Variants in ROBO1 observed in about 807,000 individuals in gnomAD.
ROBO1 encodes the protein roundabout homolog 1.
A neutral mutation model predicts 195.9 loss-of-function variants in ROBO1; 149 were observed. That is an observed-to-expected ratio of 0.76 (90% confidence interval 0.67 to 0.87). The LOEUF (loss-of-function observed/expected upper bound fraction) is 0.87, where lower values mean the gene tolerates loss of function less well. ROBO1 is among the 40% of genes least tolerant of loss of function. ROBO1 has a pLI of 0.00. For missense variants in ROBO1, 1,933 were observed against 2,068.3 expected, an observed-to-expected ratio of 0.93 and a Z score of 1.27; for synonymous variants, 816 against 733.2, an observed-to-expected ratio of 1.11 and a Z score of -1.82.
chr3:79,274,122 A>G (rs1031934257), intron 2 of ROBO1, among the ~76,000 whole-genome samples: 3 of 152,068 alleles, frequency 2.0e-5, no homozygotes, highest in Non-Finnish European at 4.4e-5. Flanking sequence ...CAGAATGGCA[A>G]CAAAGAAATA....
chr3:79,014,846 C>A (rs1187572935), intron 3 of ROBO1, among the ~76,000 whole-genome samples: 2 of 152,300 alleles, frequency 1.3e-5, no homozygotes, highest in East Asian at 3.9e-4. Context: ...ACCTTAACAT[C>A]TTTTATTAAC....
intron 2 of ROBO1, among the ~76,000 whole-genome samples, chr3:79,504,013 T>C (rs1940259625): frequency 6.6e-6 from 1 of 152,186 alleles, no homozygotes; most frequent in African/African-American, 2.4e-5. Flanking sequence ...TGAGTTTCAA[T>C]AAAACTGTCT....
chr3:79,413,574 C>T lies in ROBO1; in HGVS notation c.88+176250G>A, dbSNP rs142132126. On this transcript the variant is annotated intron_variant, in intron 2 of 30. Coordinates refer to ENST00000464233, the MANE Select transcript of ROBO1 (RefSeq NM_002941.4). ...TCAGGATTGCTAGATGTTTCGATTT[C>T]AAGGAGAAGCTAGAAATTGCAATTA... Among the ~76,000 whole-genome samples, 1,150 of 152,156 alleles carry T rather than the reference C, an allele frequency of 7.6e-3. 17 individuals are homozygous for T. Among genetic ancestry groups the T allele is most frequent in the African/African-American group, 0.026 (1,085 of 41,528 alleles).
intron 2 of ROBO1, among the ~76,000 whole-genome samples, chr3:79,406,367 T>A (rs1427398205): frequency 6.6e-6 from 1 of 151,802 alleles, no homozygotes; most frequent in East Asian, 1.9e-4. Flanking sequence ...TGGAGGTCAA[T>A]GCTACAGTGA....
chr3:79,105,629 C>G (rs1354383685), intron 3 of ROBO1, among the ~76,000 whole-genome samples: 1 of 151,578 alleles, frequency 6.6e-6, no homozygotes, highest in African/African-American at 2.4e-5. Flanking sequence ...AGCATGCTAT[C>G]TAAATTTATA....
chr3:78,864,452 G>A (rs1016434124), intron 4 of ROBO1, among the ~76,000 whole-genome samples: 21 of 151,580 alleles, frequency 1.4e-4, no homozygotes, highest in African/African-American at 4.6e-4. Context: ...TGGCATACAT[G>A]CAAATATATT....
At chr3:79,713,518 A>G (rs1288812378) in intron 1 of ROBO1, among the ~76,000 whole-genome samples, 3 of 152,134 alleles carry the variant, frequency 2.0e-5, no homozygotes, top group Non-Finnish European at 4.4e-5. Context: ...TGGAGGTAGT[A>G]ACTGCAGATG....
intron 1 of ROBO1, among the ~76,000 whole-genome samples, chr3:79,615,443 C>T (rs1167335269): frequency 2.6e-5 from 4 of 152,186 alleles, no homozygotes; most frequent in Non-Finnish European, 1.5e-5. Context: ...TATAGCCCAA[C>T]CACCTTGGGC....
At chr3:79,116,303 TTTCC>T (rs886139567) in intron 3 of ROBO1, among the ~76,000 whole-genome samples, 7 of 151,674 alleles carry the variant, frequency 4.6e-5, no homozygotes, top group East Asian at 1.9e-4. Flanking sequence ...TCTTTCTTTC[TTTCC>T]TTCCTTCCTT....
At chr3:79,087,099 T>C (rs2079385199) in intron 3 of ROBO1, among the ~76,000 whole-genome samples, 1 of 152,002 alleles carries the variant, frequency 6.6e-6, no homozygotes, top group Non-Finnish European at 1.5e-5. Flanking sequence ...TTGAAAAGTG[T>C]AGTTAGTAAT....
At chr3:79,426,673 C>A (rs2038459682) in intron 2 of ROBO1, among the ~76,000 whole-genome samples, 1 of 152,108 alleles carries the variant, frequency 6.6e-6, no homozygotes, top group Admixed American at 6.6e-5. Context: ...TGGCTTCTTT[C>A]TTCATGTAAT....
chr3:79,101,269 G>A (rs1004621682), intron 3 of ROBO1, among the ~76,000 whole-genome samples: 4 of 151,824 alleles, frequency 2.6e-5, no homozygotes, highest in African/African-American at 7.2e-5. Flanking sequence ...AGCCATGTTT[G>A]AGAACAAATG....
chr3:79,124,108 T>C (rs1225184984), intron 3 of ROBO1, among the ~76,000 whole-genome samples: 4 of 152,084 alleles, frequency 2.6e-5, no homozygotes, highest in African/African-American at 9.7e-5. Flanking sequence ...CTTTCACAAA[T>C]ATGAACTTCT....
intron 1 of ROBO1, among the ~76,000 whole-genome samples, chr3:79,750,598 T>C (rs1704091622): frequency 6.6e-6 from 1 of 152,180 alleles, no homozygotes. Context: ...TCTTGTGCTG[T>C]TCTTGTGACA....
At chr3:79,563,215 A>C (rs868509674) in intron 2 of ROBO1, among the ~76,000 whole-genome samples, 20 of 152,054 alleles carry the variant, frequency 1.3e-4, no homozygotes, top group African/African-American at 4.8e-4. Context: ...AGCACACAAA[A>C]CTACTTGAAA....
At chr3:79,675,003 T>A (rs953317997) in intron 1 of ROBO1, among the ~76,000 whole-genome samples, 9 of 151,946 alleles carry the variant, frequency 5.9e-5, no homozygotes, top group African/African-American at 2.2e-4. Flanking sequence ...AAAAATTTCT[T>A]AACAAAAAGT....
intron 3 of ROBO1, among the ~76,000 whole-genome samples, chr3:78,954,356 T>C (rs965586911): frequency 2.0e-5 from 3 of 152,110 alleles, no homozygotes; most frequent in Non-Finnish European, 4.4e-5. Flanking sequence ...TGAATAGTCA[T>C]ATTGTTTTTC....
At position 78,688,674 on chromosome 3, in the gene ROBO1, T is replaced by C. The variant is rs1185509032; in HGVS notation, c.1144A>G (p.Ile382Val). The C allele has an allele frequency of 1.2e-6, 2 of 1,604,564 alleles. No individual in the cohort carries two copies. Among genetic ancestry groups the C allele is most frequent in the South Asian group, 1.1e-5 (1 of 89,320 alleles). ...CEATGNPQPAIFWRREGSQNL... is the reference protein window; with the variant it reads ...CEATGNPQPAVFWRREGSQNL... ...TGACTCCCTTCTCTCCTCCAGAAAA[T>C]AGCTGGTTGAGGATTTCCGGTTGCT... Residue 382 changes from isoleucine (I) to valine (V), a missense_variant, in exon 9 of 31, where the codon ATT becomes GTT. Coordinates refer to ENST00000464233, the MANE Select transcript of ROBO1 (RefSeq NM_002941.4).
At chr3:78,630,024 G>C (rs999730480) in intron 25 of ROBO1, among the ~76,000 whole-genome samples, 21 of 152,182 alleles carry the variant, frequency 1.4e-4, no homozygotes, top group African/African-American at 4.6e-4. Context: ...TGAAGGGCTT[G>C]TTAGTGTTTC....
Sources: allele counts gnomAD v4.1 joint callset (sites outside exome capture counted in the v4.1 genomes callset), GRCh38; gene constraint gnomAD v4.1.1; transcripts MANE v1.5; gene names NCBI Gene and HGNC (gene_info 2026-07-23, HGNC 2026-07-21).